The following IGDCC3 variants were observed in gnomAD, a reference collection of about 807,000 sequenced individuals.
IGDCC3 encodes immunoglobulin superfamily DCC subclass member 3.
Under a neutral mutation model 72.0 loss-of-function variants are expected in IGDCC3, and 47 were observed. That is an observed-to-expected ratio of 0.65 (90% CI 0.52 to 0.83). IGDCC3 has a LOEUF of 0.83. Ranked by LOEUF, IGDCC3 falls within the 40% of genes least tolerant of loss-of-function variation. IGDCC3 has a pLI of 0.00. For synonymous variants in IGDCC3, 477 were observed against 472.8 expected (o/e 1.01, Z -0.11); for missense variants, 1,038 against 1,091.3 (o/e 0.95, Z 0.69).
At chr15:65,359,091 A>G (rs2091244665) in intron 2 of IGDCC3, among the ~76,000 whole-genome samples, 1 of 152,182 alleles carries the variant, frequency 6.6e-6, no homozygotes, top group Non-Finnish European at 1.5e-5. Flanking sequence ...TGCTGGGACT[A>G]CAGGTGTGAG....
At chr15:65,355,519 G>A (rs1169274030) in intron 2 of IGDCC3, among the ~76,000 whole-genome samples, 1 of 149,824 alleles carries the variant, frequency 6.7e-6, no homozygotes, top group African/African-American at 2.4e-5. Flanking sequence ...GCGCGAGCCC[G>A]GAGGACGCGG....
At chr15:65,361,838 A>G (rs1157973344) in intron 2 of IGDCC3, among the ~76,000 whole-genome samples, 1 of 152,178 alleles carries the variant, frequency 6.6e-6, no homozygotes, top group Non-Finnish European at 1.5e-5. Flanking sequence ...TGCCTCGAGG[A>G]CGAGGCATCA....
Position 65,335,329 on chromosome 15 carries a change from C to G in IGDCC3, c.647G>C (p.Ser216Thr), listed in dbSNP as rs1156801841. 6 of 1,613,608 alleles carry G rather than the reference C, an allele frequency of 3.7e-6. No homozygotes were observed. In the African/African-American group the frequency reaches 5.3e-5, roughly 14 times the overall value. Residue 216 changes from serine to threonine, a missense_variant, in exon 4 of 14, where the codon AGT (serine) becomes ACT (threonine). Physicochemically the swap from Ser to Thr is moderately conservative, Grantham distance 58. Transcript: ENST00000327987. ...CCTGGCCCCGTGGCTGATCCGGATA[C>G]TGGCGATGTTTGAGGCCACACAGTG... is the stretch of plus-strand genomic sequence containing the variant. The part of the protein sequence containing the change: ...IFHCVASNIA[S>T]IRISHGARLT...
intron 2 of IGDCC3, among the ~76,000 whole-genome samples, chr15:65,361,283 T>A (rs1561891): frequency 0.42 from 62,452 of 148,926 alleles, 13,210 homozygotes; most frequent in East Asian, 0.47. Context: ...ATAATAATAA[T>A]AAAAAAACAT....
intron 5 of IGDCC3, chr15:65,334,452 G>C (rs939518046): frequency 2.8e-5 from 12 of 430,438 alleles, no homozygotes; most frequent in Non-Finnish European, 4.9e-5. Context: ...GGGTCCCCGA[G>C]GCCAGGGTGA....
intron 2 of IGDCC3, among the ~76,000 whole-genome samples, chr15:65,337,972 G>A (rs1165083624): frequency 6.6e-6 from 1 of 152,204 alleles, no homozygotes; most frequent in Non-Finnish European, 1.5e-5. Flanking sequence ...GAGGCACCCA[G>A]TGCTAGGAGC....
At position 65,328,992 on chromosome 15, in the gene IGDCC3, C is replaced by T. The variant is rs1456685010; in HGVS notation, c.2362G>A (p.Gly788Arg). The T allele has an allele frequency of 1.2e-6, 2 of 1,610,056 alleles. No homozygotes were observed. Among genetic ancestry groups the T allele is most frequent in the Admixed American group, 1.7e-5 (1 of 59,316 alleles). ...GLAAAPPPPD[G>R]GPGLLSEGQA... ...CCTTCACTGAGGAGGCCAGGGCCTC[C>T]ATCTGGGGGTGGTGGGGCAGCCGCC... is the stretch of plus-strand genomic sequence containing the variant. The change falls in exon 14 of 14, where the codon GGA becomes AGA. Residue 788 changes from glycine (G) to arginine (R), a missense_variant. By Grantham distance (125) the Gly-to-Arg change is moderately radical (BLOSUM62 -2). Coordinates refer to ENST00000327987, the MANE Select transcript of IGDCC3 (RefSeq NM_004884.4).
Position 65,331,111 on chromosome 15 carries a change from G to C in IGDCC3, c.1500C>G (p.Ala500=). The change falls in exon 9 of 14, where the codon GCC becomes GCG. Residue 500 remains alanine (A), a synonymous_variant. Coordinates refer to ENST00000327987, the MANE Select transcript of IGDCC3 (RefSeq NM_004884.4). ...PSTAYSFYIK[A]YTPRGASSAS... ...CTGAGCTGGCCCCCCTTGGTGTGTA[G>C]GCCTTGATGTAGAAACTGTAGGCTG... 1 of 1,614,124 alleles carries C rather than the reference G, an allele frequency of 6.2e-7. No homozygotes were observed. The highest frequency in any genetic ancestry group is 8.5e-7 in the Non-Finnish European group (1 of 1,180,014).
chr15:65,347,709 T>C (rs182814583), intron 2 of IGDCC3, among the ~76,000 whole-genome samples: 1 of 152,156 alleles, frequency 6.6e-6, no homozygotes, highest in East Asian at 1.9e-4. Context: ...GACGGGTGGA[T>C]CACCTGAGGT....
chr15:65,339,315 C>T lies in IGDCC3; in HGVS notation c.410-3359G>A, dbSNP rs1041640978. Among the ~76,000 whole-genome samples, 2 of 152,200 alleles carry T rather than the reference C, an allele frequency of 1.3e-5. No homozygotes were observed. The highest frequency in any genetic ancestry group is 2.1e-4 in the South Asian group (1 of 4,832). On this transcript the variant is annotated intron_variant, in intron 2 of 13. Transcript: ENST00000327987. This position sits in a 1 kb window ranked among gnomAD's most constrained non-coding sequence, Gnocchi z 4.1. Reference sequence around the variant, plus strand: ...CAGGCTGGTCTCAAACTCCTGACCTCGTGATCCGCCCGCCTTGGCTTCCCA... The same window carrying T: ...CAGGCTGGTCTCAAACTCCTGACCTTGTGATCCGCCCGCCTTGGCTTCCCA...
intron 11 of IGDCC3, among the ~76,000 whole-genome samples, 195 bp from the exon 12 acceptor site, chr15:65,330,059 C>A (rs1013447608): frequency 6.6e-6 from 1 of 152,118 alleles, no homozygotes; most frequent in Non-Finnish European, 1.5e-5. Context: ...TAGCATGGAC[C>A]ATTTCATCCT....
At chr15:65,347,271 C>G (rs957182516) in intron 2 of IGDCC3, among the ~76,000 whole-genome samples, 1 of 152,174 alleles carries the variant, frequency 6.6e-6, no homozygotes, top group African/African-American at 2.4e-5. Flanking sequence ...TTTGTAGGAA[C>G]TAATATAGTT....
chr15:65,333,264 C>T lies in IGDCC3; in HGVS notation c.975G>A (p.Val325=), dbSNP rs2090995419. ...GGGTTGGCTGATCCATACCTTGCAC[C>T]ACCAGCCGGCCCTGTGCCGTTCTCC... ...RVRRTAQGRL[V]VQAPAEFVQH... Residue 325 remains valine, a synonymous_variant, in exon 6 of 14, where the codon GTG becomes GTA. Coordinates refer to ENST00000327987, the MANE Select transcript of IGDCC3 (RefSeq NM_004884.4). 1.2e-6 allele frequency: 2 copies of T among 1,605,136 alleles called. No individual in the cohort carries two copies. The highest frequency in any genetic ancestry group is 1.7e-6 in the Non-Finnish European group (2 of 1,175,974).
intron 2 of IGDCC3, among the ~76,000 whole-genome samples, chr15:65,336,353 G>A (rs1007999910): frequency 2.0e-5 from 3 of 152,120 alleles, no homozygotes; most frequent in Non-Finnish European, 2.9e-5. Flanking sequence ...TTTCAGATTC[G>A]TTTTTGTAAA....
intron 2 of IGDCC3, among the ~76,000 whole-genome samples, chr15:65,360,366 G>A (rs2091252732): frequency 6.6e-6 from 1 of 152,236 alleles, no homozygotes; most frequent in Non-Finnish European, 1.5e-5. Flanking sequence ...CCTCAAGGCT[G>A]AGGATCTTTC....
intron 2 of IGDCC3, among the ~76,000 whole-genome samples, chr15:65,367,700 G>A (rs2140169381): frequency 6.6e-6 from 1 of 152,128 alleles, no homozygotes; most frequent in South Asian, 2.1e-4. Context: ...GGTTGGGTAA[G>A]GGTCAGTCCC....
At chr15:65,359,772 C>G (rs1304846890) in intron 2 of IGDCC3, among the ~76,000 whole-genome samples, 1 of 152,122 alleles carries the variant, frequency 6.6e-6, no homozygotes, top group East Asian at 1.9e-4. Context: ...CATCTTTGAG[C>G]CAAGAGCAGT....
At position 65,329,343 on chromosome 15, in the gene IGDCC3, A is replaced by G. The variant is rs1391929213; in HGVS notation, c.2205+47T>C. On this transcript the variant is annotated intron_variant, in intron 13 of 13. Coordinates refer to ENST00000327987, the MANE Select transcript of IGDCC3 (RefSeq NM_004884.4). This position sits in a 1 kb window ranked among gnomAD's most constrained non-coding sequence, Gnocchi z 4.1. ...AAGGGGGGCAGGATTGGAAGGTGGC[A>G]GTGTCAGAGCCTGAGGCGGGGGTTT... 4 of 1,539,298 alleles carry G rather than the reference A, an allele frequency of 2.6e-6. No homozygotes were observed. In the Admixed American group the frequency reaches 6.2e-5, roughly 24 times the overall value.
intron 2 of IGDCC3, among the ~76,000 whole-genome samples, chr15:65,370,523 TA>T (rs2091316766): frequency 7.1e-6 from 1 of 140,276 alleles, no homozygotes; most frequent in African/African-American, 2.6e-5. Flanking sequence ...AAAATATATA[TA>T]TATATATATA....
Sources: allele counts gnomAD v4.1 joint callset (sites outside exome capture counted in the v4.1 genomes callset), GRCh38; gene constraint gnomAD v4.1.1; non-coding constraint Gnocchi (gnomAD v3.1); transcripts MANE v1.5; gene names NCBI Gene and HGNC (gene_info 2026-07-23, HGNC 2026-07-21).